Variants in DOCK3 observed in about 807,000 individuals in gnomAD.
The protein encoded by DOCK3 is dedicator of cytokinesis 3.
Under a neutral mutation model 265.6 loss-of-function variants are expected in DOCK3, and 60 were observed. The observed-to-expected ratio is 0.23, with a 90% CI of 0.18 to 0.28. The LOEUF is 0.28. Among genes scored for constraint, DOCK3 ranks in the 10% least tolerant of loss-of-function variants. The pLI, the probability that DOCK3 is intolerant of heterozygous loss-of-function variation, is 1.00. For synonymous variants in DOCK3, 881 were observed against 938.0 expected (o/e 0.94, Z 1.11); for missense variants, 1,981 against 2,594.3 (o/e 0.76, Z 5.14).
chr3:51,267,515 G>A (rs1458556369), intron 23 of DOCK3, among the ~76,000 whole-genome samples: 1 of 151,444 alleles, frequency 6.6e-6, no homozygotes, highest in African/African-American at 2.4e-5. Flanking sequence ...CTCCTGACTA[G>A]CTGGGATTAC....
chr3:51,238,779 A>T (rs2078461976), intron 21 of DOCK3, among the ~76,000 whole-genome samples: 1 of 152,174 alleles, frequency 6.6e-6, no homozygotes, highest in East Asian at 1.9e-4. Context: ...TTTCTGCAAA[A>T]GACATGATCT....
chr3:51,028,876 G>C (rs1327883346), intron 5 of DOCK3, among the ~76,000 whole-genome samples: 4 of 151,892 alleles, frequency 2.6e-5, no homozygotes, highest in Non-Finnish European at 5.9e-5. Flanking sequence ...GTGTTTTCTT[G>C]CCATCTGTAT....
At chr3:51,069,558 G>A (rs2081762730) in intron 6 of DOCK3, among the ~76,000 whole-genome samples, 1 of 150,686 alleles carries the variant, frequency 6.6e-6, no homozygotes, top group Non-Finnish European at 1.5e-5. Context: ...ATATATGTGT[G>A]TATATATATG....
rs56247821 is a variant in DOCK3, at chr3:50,892,730, G to A, written c.218+2649G>A. ...GCAGCTAGCTTGCCTCTGCAAGATC[G>A]GGAAAAGTGCACAACCCTAAGATTT... is the stretch of plus-strand genomic sequence containing the variant. On this transcript the variant is annotated intron_variant, in intron 4 of 52. Transcript: ENST00000266037. Among the ~76,000 whole-genome samples, 39 of 152,152 alleles carry A rather than the reference G, an allele frequency of 2.6e-4. 1 individual carries two copies. In the East Asian group the frequency reaches 5.6e-3, roughly 22 times the overall value.
chr3:50,874,005 T>C (rs984247863), intron 3 of DOCK3, among the ~76,000 whole-genome samples: 1 of 151,830 alleles, frequency 6.6e-6, no homozygotes, highest in Non-Finnish European at 1.5e-5. Flanking sequence ...AATCGGATGC[T>C]GTAAGTACTT....
intron 5 of DOCK3, among the ~76,000 whole-genome samples, chr3:51,063,793 A>G (rs2081501035): frequency 6.6e-6 from 1 of 152,212 alleles, no homozygotes; most frequent in Admixed American, 6.5e-5. Context: ...TACCAGGTCC[A>G]TAATTAAGTT....
At chr3:50,714,439 C>T (rs1245121551) in intron 1 of DOCK3, among the ~76,000 whole-genome samples, 2 of 152,102 alleles carry the variant, frequency 1.3e-5, no homozygotes, top group Non-Finnish European at 2.9e-5. Context: ...ACCTGCTGTT[C>T]TTGCAGATCT....
chr3:50,858,405 T>C (rs2046721689), intron 3 of DOCK3, among the ~76,000 whole-genome samples: 1 of 149,622 alleles, frequency 6.7e-6, no homozygotes, highest in Non-Finnish European at 1.5e-5. Context: ...TGTGCACATG[T>C]ACCCTGTAAC....
At position 51,073,590 on chromosome 3, in the gene DOCK3, C is replaced by G. The variant is rs150557480; in HGVS notation, c.465-1766C>G. On this transcript the variant is annotated intron_variant, in intron 6 of 52. Transcript: ENST00000266037. ...CATAGTTTTATCATTAAATTGTAAA[C>G]CATCATGGATAAGGCCAACAGTTTA... Among the ~76,000 whole-genome samples, 1,111 of 152,246 alleles carry G rather than the reference C, an allele frequency of 7.3e-3. 7 individuals carry two copies. The highest frequency in any genetic ancestry group is 0.01 in the African/African-American group (429 of 41,554).
intron 27 of DOCK3, among the ~76,000 whole-genome samples, chr3:51,297,166 A>AC (rs2082134758): frequency 1.3e-5 from 2 of 150,312 alleles, no homozygotes; most frequent in African/African-American, 4.9e-5. Flanking sequence ...ATGATATCGC[A>AC]TCTCTACCTT....
chr3:50,766,765 C>T (rs2040908661), intron 1 of DOCK3, among the ~76,000 whole-genome samples: 1 of 152,170 alleles, frequency 6.6e-6, no homozygotes, highest in African/African-American at 2.4e-5. Flanking sequence ...CCTATTTCTC[C>T]ACATCCTCTC....
At chr3:50,967,634 A>G (rs1447965437) in intron 5 of DOCK3, among the ~76,000 whole-genome samples, 2 of 152,178 alleles carry the variant, frequency 1.3e-5, no homozygotes, top group South Asian at 2.1e-4. Flanking sequence ...GAAACTTACA[A>G]TCATGGTGTC....
chr3:51,009,874 A>T (rs1321705899), intron 5 of DOCK3, among the ~76,000 whole-genome samples: 1 of 152,064 alleles, frequency 6.6e-6, no homozygotes, highest in Non-Finnish European at 1.5e-5. Context: ...TTTAATTATT[A>T]ACCCAGTAGT....
chr3:50,726,957 A>G (rs2108074481), intron 1 of DOCK3, among the ~76,000 whole-genome samples: 1 of 152,328 alleles, frequency 6.6e-6, no homozygotes, highest in African/African-American at 2.4e-5. Context: ...AACTTACTAG[A>G]GAGAGGTTTT....
intron 28 of DOCK3, 112 bp downstream of exon 28, chr3:51,310,438 T>G (rs1210502112): frequency 2.0e-6 from 2 of 983,524 alleles, no homozygotes; most frequent in Non-Finnish European, 3.1e-6. Context: ...GCCAGGGCCA[T>G]GGGAACAGAG....
chr3:51,112,129 A>G (rs985730838), intron 9 of DOCK3, among the ~76,000 whole-genome samples: 8 of 152,308 alleles, frequency 5.3e-5, no homozygotes, highest in Middle Eastern at 3.4e-3. Context: ...AATTAGTTCA[A>G]CCATTGTGGA....
At chr3:51,159,923 T>G (rs1576279366) in intron 11 of DOCK3, among the ~76,000 whole-genome samples, 1 of 152,352 alleles carries the variant, frequency 6.6e-6, no homozygotes, top group Middle Eastern at 3.4e-3. Flanking sequence ...ATCATGTACA[T>G]TTTTATCAAA....
At chr3:51,155,976 A>C (rs1000707679) in intron 10 of DOCK3, among the ~76,000 whole-genome samples, 1 of 152,216 alleles carries the variant, frequency 6.6e-6, no homozygotes, top group Admixed American at 6.5e-5. Context: ...GAATTTGTAC[A>C]GTTTTCCAAG....
intron 4 of DOCK3, among the ~76,000 whole-genome samples, chr3:50,909,617 C>CT (rs1041520007): frequency 1.4e-4 from 16 of 110,438 alleles, no homozygotes; most frequent in African/African-American, 5.2e-4. Context: ...GATGACCTGT[C>CT]TTTTTTCTCT....
Sources: gnomAD v4.1 joint callset for allele counts (sites outside exome capture counted in the v4.1 genomes callset) on GRCh38, gnomAD v4.1.1 for gene constraint, MANE v1.5 for transcripts, NCBI Gene and HGNC (gene_info 2026-07-23, HGNC 2026-07-21) for gene names.